The following TMEM132D variants were observed in gnomAD, a reference collection of about 807,000 sequenced individuals.
The protein encoded by TMEM132D is transmembrane protein 132D.
A neutral mutation model predicts 62.3 loss-of-function variants in TMEM132D; 21 were observed. That is an observed-to-expected ratio of 0.34 (90% CI 0.24 to 0.49). The LOEUF (loss-of-function observed/expected upper bound fraction) is 0.49. TMEM132D is among the 20% of genes least tolerant of loss of function. The pLI, the probability that TMEM132D is intolerant of heterozygous loss-of-function variation, is 0.99. For missense variants in TMEM132D, 1,346 were observed against 1,402.8 expected, an observed-to-expected ratio of 0.96 and a Z score of 0.65; for synonymous variants, 621 against 575.6, an observed-to-expected ratio of 1.08 and a Z score of -1.13.
chr12:129,847,997 G>C (rs1873417512), intron 1 of TMEM132D, among the ~76,000 whole-genome samples: 1 of 152,044 alleles, frequency 6.6e-6, no homozygotes, highest in Admixed American at 6.6e-5. Context: ...ACCTGAAATG[G>C]GGGTGTGTCT....
chr12:129,227,833 G>A (rs1879523957), intron 4 of TMEM132D, among the ~76,000 whole-genome samples: 1 of 152,072 alleles, frequency 6.6e-6, no homozygotes, highest in Non-Finnish European at 1.5e-5. Flanking sequence ...CCACCTATGA[G>A]TGAGAATATG....
At chr12:129,181,255 C>T (rs1053180782) in intron 5 of TMEM132D, among the ~76,000 whole-genome samples, 23 of 152,294 alleles carry the variant, frequency 1.5e-4, no homozygotes, top group Admixed American at 2.6e-4. Flanking sequence ...AATTCCTCCT[C>T]CTCCATTTCT....
intron 4 of TMEM132D, among the ~76,000 whole-genome samples, chr12:129,248,349 A>T (rs1880178219): frequency 6.6e-6 from 1 of 152,216 alleles, no homozygotes; most frequent in Non-Finnish European, 1.5e-5. Context: ...TAAAATAGGG[A>T]TGTCATTCTT....
At chr12:129,532,354 T>C (rs542508805) in intron 2 of TMEM132D, among the ~76,000 whole-genome samples, 16 of 152,286 alleles carry the variant, frequency 1.1e-4, no homozygotes, top group African/African-American at 2.9e-4. Flanking sequence ...TGCCAGAGCC[T>C]ACATCTCAAA....
At position 129,072,607 on chromosome 12, in the gene TMEM132D, G is replaced by A. The variant is rs1874108090; in HGVS notation, c.*1268C>T. ...CCCTTCGCACCTCCAAGATGAAGAA[G>A]GTTTCTGTGCTGTCCGGTGTGTGTG... is the stretch of plus-strand genomic sequence containing the variant. On this transcript the variant is annotated 3_prime_UTR_variant, in exon 9 of 9. Transcript: ENST00000422113. 6.6e-6 allele frequency: 1 copy of A among 152,412 alleles called. No homozygotes were observed. The highest frequency in any genetic ancestry group is 1.9e-4 in the East Asian group (1 of 5,180). The allele number at this position is 152,412 out of a possible 1,614,324, so 9.4% of individuals were successfully genotyped here.
intron 2 of TMEM132D, among the ~76,000 whole-genome samples, chr12:129,574,550 G>T (rs911849743): frequency 6.6e-6 from 1 of 151,842 alleles, no homozygotes; most frequent in Non-Finnish European, 1.5e-5. Context: ...TGCATTTCAC[G>T]TTTTCGTGTT....
At chr12:129,772,252 AATTG>A (rs1483097336) in intron 1 of TMEM132D, among the ~76,000 whole-genome samples, 2 of 152,350 alleles carry the variant, frequency 1.3e-5, no homozygotes, top group East Asian at 1.9e-4. Context: ...CTATAATTTA[AATTG>A]ATTAAGATAT....
At position 129,623,726 on chromosome 12, in the gene TMEM132D, TAC is replaced by T. The variant is rs1229705703; in HGVS notation, c.968+76082_968+76083del. Reference sequence around the variant, plus strand: ...ATACATACATATGCATATATATACATACATATATACATATATATACACATATA... The same window carrying T: ...ATACATACATATGCATATATATACATATATATACATATATATACACATATA... On this transcript the variant is annotated intron_variant, in intron 2 of 8. Transcript: ENST00000422113. 3.1e-3 allele frequency among the ~76,000 whole-genome samples: 426 copies of T among 138,800 alleles called. 1 individual carries two copies. Among genetic ancestry groups the T allele is most frequent in the African/African-American group, 0.011 (399 of 37,174 alleles). The allele number at this position is 138,800 out of a possible 152,430, so 91.1% of individuals were successfully genotyped here.
At chr12:129,750,020 T>C (rs1345354527) in intron 1 of TMEM132D, among the ~76,000 whole-genome samples, 1 of 152,188 alleles carries the variant, frequency 6.6e-6, no homozygotes, top group Non-Finnish European at 1.5e-5. Flanking sequence ...CTCTCCTGGA[T>C]AGAAAGCATT....
chr12:129,839,652 T>A (rs2137342485), intron 1 of TMEM132D, among the ~76,000 whole-genome samples: 1 of 152,270 alleles, frequency 6.6e-6, no homozygotes, highest in East Asian at 1.9e-4. Context: ...CTGAGCATAT[T>A]TTTAAAAACA....
intron 5 of TMEM132D, among the ~76,000 whole-genome samples, chr12:129,161,361 G>A (rs987836505): frequency 1.3e-5 from 2 of 152,212 alleles, no homozygotes; most frequent in Non-Finnish European, 2.9e-5. Flanking sequence ...TTTAGAGTTG[G>A]TTTCCAAATA....
intron 1 of TMEM132D, chr12:129,854,852 C>T (rs1873667365): frequency 6.6e-6 from 1 of 152,254 alleles, no homozygotes; most frequent in South Asian, 2.1e-4. Context: ...CTGGAGACTC[C>T]CTCCCTCCTG....
At chr12:129,639,574 T>G (rs540651198) in intron 2 of TMEM132D, among the ~76,000 whole-genome samples, 4 of 152,006 alleles carry the variant, frequency 2.6e-5, no homozygotes, top group Admixed American at 2.6e-4. Flanking sequence ...GGGAGAACCT[T>G]CCACCTGTGG....
At chr12:129,369,982 A>G (rs1870544385) in intron 3 of TMEM132D, among the ~76,000 whole-genome samples, 1 of 152,160 alleles carries the variant, frequency 6.6e-6, no homozygotes, top group Admixed American at 6.5e-5. Flanking sequence ...GGACAGTGGC[A>G]GGGGTGGGGG....
At chr12:129,625,968 T>C (rs1043144725) in intron 2 of TMEM132D, among the ~76,000 whole-genome samples, 4 of 152,128 alleles carry the variant, frequency 2.6e-5, no homozygotes, top group Non-Finnish European at 5.9e-5. Flanking sequence ...TTTAAAAGCA[T>C]AGAATTCACA....
At chr12:129,487,030 A>AT (rs1555260461) in intron 3 of TMEM132D, among the ~76,000 whole-genome samples, 1 of 91,354 alleles carries the variant, frequency 1.1e-5, no homozygotes. Flanking sequence ...ATGTTTGCGT[A>AT]TGGGGGGGGG....
chr12:129,578,408 A>ATGTGTGTGTGTGTGTGTGTG (rs143488724), intron 2 of TMEM132D, among the ~76,000 whole-genome samples: 189 of 144,800 alleles, frequency 1.3e-3, no homozygotes, highest in Non-Finnish European at 2.1e-3. Context: ...TAATACAATT[A>ATGTGTGTGTGTGTGTGTGTG]TGTGTGTGTG....
intron 4 of TMEM132D, among the ~76,000 whole-genome samples, chr12:129,230,838 C>G (rs1450896113): frequency 6.6e-6 from 1 of 152,174 alleles, no homozygotes; most frequent in Non-Finnish European, 1.5e-5. Flanking sequence ...GGCAACAGTG[C>G]CCTAGTTGCT....
intron 1 of TMEM132D, among the ~76,000 whole-genome samples, chr12:129,824,084 C>T (rs779669780): frequency 5.3e-5 from 8 of 152,132 alleles, no homozygotes; most frequent in East Asian, 3.9e-4. Flanking sequence ...GCACAGAGCG[C>T]GGTGTCCAAG....
Sources: gnomAD v4.1 joint callset for allele counts (sites outside exome capture counted in the v4.1 genomes callset) on GRCh38, gnomAD v4.1.1 for gene constraint, MANE v1.5 for transcripts, NCBI Gene and HGNC (gene_info 2026-07-23, HGNC 2026-07-21) for gene names.